ATP13A4: variants seen among roughly 807,000 people sequenced by gnomAD.
ATP13A4 encodes probable cation-transporting ATPase 13A4.
In ATP13A4, 114 loss-of-function variants were observed where a neutral mutation model predicts 142.5. The ratio of observed to expected loss-of-function variants is 0.80; its 90% CI spans 0.69 to 0.93. The LOEUF (loss-of-function observed/expected upper bound fraction) is 0.93, where lower values mean the gene tolerates loss of function less well. Ranked by LOEUF, ATP13A4 falls within the 40% of genes least tolerant of loss-of-function variation. ATP13A4 has a pLI of 0.00. For synonymous variants in ATP13A4, 488 were observed against 514.8 expected, an observed-to-expected ratio of 0.95 and a Z score of 0.70; for missense variants, 1,392 against 1,454.0, an observed-to-expected ratio of 0.96 and a Z score of 0.69.
At chr3:193,531,889 G>GA (rs1409039453) in intron 1 of ATP13A4, among the ~76,000 whole-genome samples, 3 of 152,134 alleles carry the variant, frequency 2.0e-5, no homozygotes, top group Non-Finnish European at 4.4e-5. Context: ...ACTAAGCCCT[G>GA]AAAACAGTTG....
chr3:193,477,730 A>C (rs1577004864), intron 8 of ATP13A4, among the ~76,000 whole-genome samples: 1 of 152,170 alleles, frequency 6.6e-6, no homozygotes, highest in Non-Finnish European at 1.5e-5. Flanking sequence ...TGAGTTCAGA[A>C]CACAAAGATG....
chr3:193,457,790 T>C (rs142481337), intron 14 of ATP13A4, among the ~76,000 whole-genome samples: 2 of 152,362 alleles, frequency 1.3e-5, no homozygotes, highest in African/African-American at 4.8e-5. Flanking sequence ...AGACTTCTTT[T>C]GTGTGAAGCA....
chr3:193,490,670 AC>A (rs1222961537), intron 6 of ATP13A4, among the ~76,000 whole-genome samples: 44 of 152,222 alleles, frequency 2.9e-4, no homozygotes, highest in African/African-American at 1.0e-3. Context: ...GAAAGGCAGC[AC>A]ACAGAAACAT....
intron 7 of ATP13A4, among the ~76,000 whole-genome samples, chr3:193,484,325 A>ATAAG (rs1719481782): frequency 6.6e-6 from 1 of 150,422 alleles, no homozygotes. Flanking sequence ...AAATAAATAA[A>ATAAG]TAAATAAATA....
At chr3:193,504,820 G>A (rs955130696) in intron 2 of ATP13A4, among the ~76,000 whole-genome samples, 2 of 151,918 alleles carry the variant, frequency 1.3e-5, no homozygotes, top group South Asian at 2.1e-4. Flanking sequence ...CACCAAGTAG[G>A]GACAATTAGG....
At chr3:193,520,776 A>T (rs1259605901) in intron 1 of ATP13A4, among the ~76,000 whole-genome samples, 1 of 152,200 alleles carries the variant, frequency 6.6e-6, no homozygotes, top group Non-Finnish European at 1.5e-5. Flanking sequence ...TTCCATTAAC[A>T]ATGTTTACGT....
chr3:193,466,176 T>G lies in ATP13A4; in HGVS notation c.1121A>C (p.Asn374Thr), dbSNP rs773963750. 1.2e-6 allele frequency: 2 copies of G among 1,613,768 alleles called. No homozygotes were observed. Among genetic ancestry groups the G allele is most frequent in the Non-Finnish European group, 1.7e-6 (2 of 1,179,878 alleles). The part of the protein sequence containing the change: ...VRAVVLQTGF[N>T]TAKGDLVRSI... ...TCTCACAAGGTCTCCCTTTGCAGTG[T>G]TGAATCCTGGAACAACAAACACACA... is the stretch of plus-strand genomic sequence containing the variant. Residue 374 changes from asparagine (N) to threonine (T), a missense_variant, in exon 11 of 30, where the codon AAC becomes ACC. Asn to Thr is a moderately conservative substitution (Grantham distance 65, BLOSUM62 0). Transcript: ENST00000342695.
intron 22 of ATP13A4, 96 bp downstream of exon 22, chr3:193,438,927 A>G (rs993749211): frequency 7.8e-7 from 1 of 1,277,060 alleles, no homozygotes; most frequent in African/African-American, 1.5e-5. Context: ...GTATAAATGA[A>G]TGTGAGATTA....
chr3:193,548,013 G>A (rs923745314), intron 1 of ATP13A4, among the ~76,000 whole-genome samples: 1 of 152,134 alleles, frequency 6.6e-6, no homozygotes, highest in Admixed American at 6.5e-5. Flanking sequence ...AATACTTGTT[G>A]GGTTTATACA....
intron 14 of ATP13A4, among the ~76,000 whole-genome samples, chr3:193,458,273 T>A (rs992092142): frequency 6.6e-6 from 1 of 152,236 alleles, no homozygotes; most frequent in African/African-American, 2.4e-5. Flanking sequence ...GGTCCCTTAG[T>A]CCTCATCTTT....
intron 8 of ATP13A4, among the ~76,000 whole-genome samples, chr3:193,473,930 C>T (rs138859672): frequency 1.6e-4 from 25 of 152,294 alleles, no homozygotes; most frequent in Non-Finnish European, 1.0e-4. Context: ...TGGCAAAACA[C>T]GAACGAGGTC....
At chr3:193,477,302 A>G (rs1030683491) in intron 8 of ATP13A4, among the ~76,000 whole-genome samples, 3 of 152,134 alleles carry the variant, frequency 2.0e-5, no homozygotes, top group Non-Finnish European at 4.4e-5. Context: ...TATCTGGGAT[A>G]GTTCTAAAAT....
At chr3:193,567,283 G>A (rs1413322777) in intron 2 of ATP13A4, among the ~76,000 whole-genome samples, 3 of 152,064 alleles carry the variant, frequency 2.0e-5, no homozygotes, top group Non-Finnish European at 2.9e-5. Flanking sequence ...ACAGAGATAC[G>A]ACAAAACCCT....
Position 193,438,912 on chromosome 3 carries a change from C to A in ATP13A4, c.2562+111G>T, listed in dbSNP as rs879070783. 80 of 1,177,262 alleles carry A rather than the reference C, an allele frequency of 6.8e-5. 2 individuals carry two copies. The South Asian group carries it at 9.1e-4, about 13-fold the overall frequency. 72.9% of individuals were successfully genotyped at this position (1,177,262 alleles called of 1,614,324 possible). A position where few individuals can be genotyped will look rare whatever the true frequency, so the allele number is the denominator to read the frequency against. Reference sequence around the variant, plus strand: ...ATGCCAGGAGTATACCTCTAAAGGGCTCGAGTATAAATGAATGTGAGATTA... The same window carrying A: ...ATGCCAGGAGTATACCTCTAAAGGGATCGAGTATAAATGAATGTGAGATTA... On this transcript the variant is annotated intron_variant, in intron 22 of 29. Transcript: ENST00000342695.
chr3:193,542,450 T>C (rs1262400777), intron 1 of ATP13A4, among the ~76,000 whole-genome samples: 2 of 152,128 alleles, frequency 1.3e-5, no homozygotes, highest in African/African-American at 4.8e-5. Context: ...ATTGACATTC[T>C]TCATAGAATT....
At chr3:193,433,721 G>A in intron 25 of ATP13A4, 124 bp downstream of exon 25, 1 of 733,274 alleles carries the variant, frequency 1.4e-6, no homozygotes. Context: ...ATATATTTGG[G>A]AATAAATTCC....
At position 193,570,600 on chromosome 3, in the gene ATP13A4, C is replaced by G. The variant is rs935278322; in HGVS notation, n.291+11107G>C. Reference sequence around the variant, plus strand: ...GAAGGATAAAGGACTGGAATAGAGGCCTAATACCACCACAGTCTTTATCTT... The same window carrying G: ...GAAGGATAAAGGACTGGAATAGAGGGCTAATACCACCACAGTCTTTATCTT... On this transcript the variant is annotated intron_variant and non_coding_transcript_variant, in intron 2 of 3. Transcript: ENST00000489140. 2.0e-5 allele frequency among the ~76,000 whole-genome samples: 3 copies of G among 152,068 alleles called. No homozygotes were observed. In the East Asian group the frequency reaches 5.8e-4, roughly 29 times the overall value.
intron 10 of ATP13A4, among the ~76,000 whole-genome samples, chr3:193,466,698 T>C (rs1388893586): frequency 6.6e-6 from 1 of 152,232 alleles, no homozygotes; most frequent in Admixed American, 6.5e-5. Flanking sequence ...ATTTGAATTG[T>C]GTGGCCTCAG....
chr3:193,557,200 A>G (rs887501670), upstream of ATP13A4, among the ~76,000 whole-genome samples: 1 of 152,244 alleles, frequency 6.6e-6, no homozygotes, highest in Non-Finnish European at 1.5e-5. Context: ...AGTCCTTAAG[A>G]ACATTAAAAG....
Sources: allele counts gnomAD v4.1 joint callset (sites outside exome capture counted in the v4.1 genomes callset), GRCh38; gene constraint gnomAD v4.1.1; transcripts MANE v1.5; gene names NCBI Gene and HGNC (gene_info 2026-07-23, HGNC 2026-07-21).